The following ASZ1 variants were observed in gnomAD, a reference collection of about 807,000 sequenced individuals.
The protein encoded by ASZ1 is ankyrin repeat, SAM and basic leucine zipper domain-containing protein 1.
ASZ1 carries 67 observed loss-of-function variants against 61.8 expected under a neutral mutation model. The ratio of observed to expected loss-of-function variants is 1.08; its 90% CI spans 0.89 to 1.33. The LOEUF (loss-of-function observed/expected upper bound fraction) is 1.33. Among genes scored for constraint, ASZ1 ranks in the 40% most tolerant of loss-of-function variants. ASZ1 has a pLI of 0.00. For missense variants in ASZ1, 577 were observed against 554.5 expected (o/e 1.04, Z -0.41); for synonymous variants, 193 against 192.7 (o/e 1.00, Z -0.01).
rs917694073 is a variant in ASZ1, at chr7:117,391,021, A to G, written c.441-5212T>C. On this transcript the variant is annotated intron_variant, in intron 4 of 12. Transcript: ENST00000284629. ...CCGGCCTGACTTTTTAATAATAGCC[A>G]TTCTGAAGGGTGTGAGATGGTACCT... Among the ~76,000 whole-genome samples the G allele has an allele frequency of 1.3e-4, 20 of 152,110 alleles. 1 individual carries two copies. The highest frequency in any genetic ancestry group is 1.3e-3 in the Admixed American group (20 of 15,268).
intron 4 of ASZ1, among the ~76,000 whole-genome samples, chr7:117,395,462 C>A (rs1179721361): frequency 1.3e-5 from 2 of 151,994 alleles, no homozygotes; most frequent in Admixed American, 6.6e-5. Context: ...TTAAAAATGT[C>A]TTTTTAAATA....
intron 4 of ASZ1, among the ~76,000 whole-genome samples, chr7:117,389,572 T>C (rs976949971): frequency 6.6e-6 from 1 of 152,124 alleles, no homozygotes; most frequent in Non-Finnish European, 1.5e-5. Flanking sequence ...AGCTCCCACT[T>C]AGGGGTAGTT....
chr7:117,389,773 C>G (rs1796427698), intron 4 of ASZ1, among the ~76,000 whole-genome samples: 1 of 152,192 alleles, frequency 6.6e-6, no homozygotes, highest in Non-Finnish European at 1.5e-5. Flanking sequence ...TTGGAATGGT[C>G]TTTTGAAGGC....
chr7:117,421,191 C>T (rs1797093411), intron 3 of ASZ1, among the ~76,000 whole-genome samples: 1 of 151,984 alleles, frequency 6.6e-6, no homozygotes, highest in Non-Finnish European at 1.5e-5. Flanking sequence ...TTTTGAAAAC[C>T]TCATTCCTAA....
At chr7:117,419,335 A>C (rs1797057768) in intron 4 of ASZ1, among the ~76,000 whole-genome samples, 1 of 152,170 alleles carries the variant, frequency 6.6e-6, no homozygotes, top group African/African-American at 2.4e-5. Flanking sequence ...GAACTATCTA[A>C]AGCTGTAAAG....
intron 12 of ASZ1, among the ~76,000 whole-genome samples, chr7:117,364,073 CAATT>C (rs964099949): frequency 6.6e-6 from 1 of 152,124 alleles, no homozygotes; most frequent in African/African-American, 2.4e-5. Flanking sequence ...TAAGGAATGA[CAATT>C]GATATTGATT....
At chr7:117,425,399 G>A (rs1198444792) in intron 2 of ASZ1, among the ~76,000 whole-genome samples, 2 of 150,420 alleles carry the variant, frequency 1.3e-5, no homozygotes, top group Admixed American at 1.3e-4. Context: ...CCGCGTAGCT[G>A]GGACTACAGG....
intron 4 of ASZ1, among the ~76,000 whole-genome samples, chr7:117,415,762 AAAC>A (rs945439180): frequency 2.6e-5 from 4 of 152,364 alleles, no homozygotes; most frequent in African/African-American, 9.6e-5. Context: ...ATGAAATATA[AAAC>A]AACAACAAAA....
chr7:117,366,682 C>A (rs536794685), intron 12 of ASZ1, among the ~76,000 whole-genome samples: 49 of 151,626 alleles, frequency 3.2e-4, no homozygotes, highest in African/African-American at 1.2e-3. Context: ...TTGTAAAAAA[C>A]CAGAACCAAA....
intron 4 of ASZ1, among the ~76,000 whole-genome samples, chr7:117,388,091 A>G (rs975243105): frequency 2.0e-5 from 3 of 152,194 alleles, no homozygotes; most frequent in African/African-American, 7.2e-5. Context: ...ACAAGCTACC[A>G]CAGCTCACTC....
intron 4 of ASZ1, among the ~76,000 whole-genome samples, chr7:117,386,533 T>G (rs1796359071): frequency 6.6e-6 from 1 of 152,200 alleles, no homozygotes; most frequent in Admixed American, 6.6e-5. Flanking sequence ...TCAGCTCTAC[T>G]TGGGCTGAAC....
rs777726233 is a variant in ASZ1 at position 117,427,441 on chromosome 7, C to A, written c.20G>T (p.Arg7Leu). 1.7e-5 allele frequency: 28 copies of A among 1,613,792 alleles called. No homozygotes were observed. The highest frequency in any genetic ancestry group is 2.1e-5 in the Non-Finnish European group (25 of 1,179,952). The change falls in exon 1 of 13, where the codon CGA (arginine) becomes CTA (leucine). Residue 7 changes from arginine to leucine, a missense_variant. Physicochemically the swap from Arg to Leu is moderately radical, Grantham distance 102 (BLOSUM62 -2). Transcript: ENST00000284629. ...GCCTCCGCCAGCCACTGGCAGGCCT[C>A]GCAGCGCGCTCGCCGCCATGCCAGC... The part of the protein sequence containing the change: MAASAL[R>L]GLPVAGGGES...
intron 4 of ASZ1, among the ~76,000 whole-genome samples, chr7:117,402,660 G>T (rs1326097686): frequency 6.6e-6 from 1 of 152,098 alleles, no homozygotes; most frequent in African/African-American, 2.4e-5. Flanking sequence ...AGTGGTATAG[G>T]GGCCTGAGGA....
Position 117,427,438 on chromosome 7 carries a change from C to A in ASZ1, c.23G>T (p.Gly8Val), listed in dbSNP as rs748166815. The part of the protein sequence containing the change: MAASALR[G>V]LPVAGGGESS... Reference sequence around the variant, plus strand: ...CTCGCCTCCGCCAGCCACTGGCAGGCCTCGCAGCGCGCTCGCCGCCATGCC... The same window carrying A: ...CTCGCCTCCGCCAGCCACTGGCAGGACTCGCAGCGCGCTCGCCGCCATGCC... Residue 8 changes from glycine (G) to valine (V), a missense_variant, in exon 1 of 13, where the codon GGC becomes GTC. By Grantham distance (109) the Gly-to-Val change is moderately radical. Transcript: ENST00000284629. 16 of 1,613,772 alleles carry A rather than the reference C, an allele frequency of 9.9e-6. No individual in the cohort carries two copies. The highest frequency in any genetic ancestry group is 2.2e-5 in the East Asian group (1 of 44,890).
intron 10 of ASZ1, among the ~76,000 whole-genome samples, chr7:117,370,820 G>C (rs1230613379): frequency 2.7e-5 from 4 of 150,786 alleles, no homozygotes; most frequent in Admixed American, 2.0e-4. Context: ...GTGTGTGTGT[G>C]TGTGTGTGTG....
rs78018733 is a variant in ASZ1 at position 117,381,206 on chromosome 7, G to A, written c.889-139C>T. 4,682 of 605,440 alleles carry A rather than the reference G, an allele frequency of 7.7e-3. 164 individuals carry two copies. The African/African-American group carries it at 0.079, about 10-fold the overall frequency. 37.5% of individuals were successfully genotyped at this position (605,440 alleles called of 1,614,324 possible). The stretch of plus-strand genomic sequence containing the variant: ...TCTAGAGGGGACAGGATATATACAT[G>A]CAGAACTATGCTACTGAGTAGACAG... On this transcript the variant is annotated intron_variant, in intron 8 of 12. Coordinates refer to ENST00000284629, the MANE Select transcript of ASZ1 (RefSeq NM_130768.3).
At chr7:117,426,768 T>C (rs1043221370) in intron 2 of ASZ1, 68 bp downstream of exon 2, 8 of 1,355,442 alleles carry the variant, frequency 5.9e-6, no homozygotes, top group Middle Eastern at 1.9e-4. Flanking sequence ...CATAAACCTT[T>C]TAAAAATAAA....
At chr7:117,386,211 T>C (rs1796353333) in intron 4 of ASZ1, among the ~76,000 whole-genome samples, 4 of 152,200 alleles carry the variant, frequency 2.6e-5, no homozygotes. Context: ...ACTAAATGCT[T>C]ATTACATTTT....
At chr7:117,378,991 A>G (rs1796192950) in intron 10 of ASZ1, among the ~76,000 whole-genome samples, 2 of 151,622 alleles carry the variant, frequency 1.3e-5, no homozygotes, top group South Asian at 4.2e-4. Context: ...CATCATTAAA[A>G]AGATGGAGAA....
Sources: gnomAD v4.1 joint callset for allele counts (sites outside exome capture counted in the v4.1 genomes callset) on GRCh38, gnomAD v4.1.1 for gene constraint, MANE v1.5 for transcripts, NCBI Gene and HGNC (gene_info 2026-07-23, HGNC 2026-07-21) for gene names.